Variants in PRPF8 observed in about 807,000 individuals in gnomAD.
PRPF8 encodes the protein pre-mRNA-processing-splicing factor 8.
PRPF8 carries 64 observed loss-of-function variants against 285.9 expected under a neutral mutation model. That is an observed-to-expected ratio of 0.22 (90% CI 0.18 to 0.28). The LOEUF (loss-of-function observed/expected upper bound fraction) is 0.28, where lower values mean the gene tolerates loss of function less well. Among genes scored for constraint, PRPF8 ranks in the 10% least tolerant of loss-of-function variants. The probability of loss-of-function intolerance (pLI) is 1.00; values close to 1 mark genes in which losing one functional copy is unlikely to be tolerated. For missense variants in PRPF8, 1,426 were observed against 3,026.7 expected, an observed-to-expected ratio of 0.47 and a Z score of 12.41; for synonymous variants, 1,325 against 1,118.2, an observed-to-expected ratio of 1.18 and a Z score of -3.69.
intron 24 of PRPF8, among the ~76,000 whole-genome samples, chr17:1,668,786 G>C (rs1255622453): frequency 6.6e-6 from 1 of 152,064 alleles, no homozygotes; most frequent in Non-Finnish European, 1.5e-5. Flanking sequence ...TCACTGAGTA[G>C]CTGGGTGATT....
At chr17:1,680,664 T>C in intron 8 of PRPF8, 62 bp downstream of exon 8, 6 of 1,474,596 alleles carry the variant, frequency 4.1e-6, no homozygotes, top group South Asian at 1.1e-5. Flanking sequence ...TTTAGTAACA[T>C]CAGCCAACCT....
At chr17:1,657,186 C>T (rs1444020603) in intron 34 of PRPF8, among the ~76,000 whole-genome samples, 1 of 152,128 alleles carries the variant, frequency 6.6e-6, no homozygotes, top group Non-Finnish European at 1.5e-5. Context: ...TACTAAGATC[C>T]TGGACTGAAT....
Position 1,683,636 on chromosome 17 carries a change from C to T in PRPF8, c.166G>A (p.Ala56Thr), listed in dbSNP as rs758508260. 6.2e-6 allele frequency: 10 copies of T among 1,614,026 alleles called. No individual in the cohort carries two copies. The highest frequency in any genetic ancestry group is 2.2e-5 in the East Asian group (1 of 44,898). Residue 56 changes from alanine (A) to threonine (T), a missense_variant, in exon 3 of 43, where the codon GCC (alanine) becomes ACC (threonine). Coordinates refer to ENST00000304992, the MANE Select transcript of PRPF8 (RefSeq NM_006445.4). ...AEKRKFGFVD[A>T]QKEDMPPEHV... ...TCTGGGGGCATGTCTTCCTTCTGGG[C>T]ATCCACAAACCCAAACTTCCGCTTT...
At position 1,655,330 on chromosome 17, in the gene PRPF8, T is replaced by C. The variant is rs1285697991; in HGVS notation, c.5987+20A>G. 6.2e-7 allele frequency: 1 copy of C among 1,612,452 alleles called. No individual in the cohort carries two copies. The highest frequency in any genetic ancestry group is 1.1e-5 in the South Asian group (1 of 90,990). On this transcript the variant is annotated intron_variant, in intron 37 of 42. Transcript: ENST00000304992. ...ACCGTATATAGACCTCCTGTCTGTG[T>C]CCCCACCAGCACTGCTCACTTGTTT...
rs895571558 is a variant in PRPF8 at position 1,650,640 on chromosome 17, C to G, written c.*162G>C. 5 of 805,212 alleles carry G rather than the reference C, an allele frequency of 6.2e-6. No individual in the cohort carries two copies. The African/African-American group carries it at 7.0e-5, about 11-fold the overall frequency. 49.9% of individuals were successfully genotyped at this position (805,212 alleles called of 1,614,324 possible). On this transcript the variant is annotated 3_prime_UTR_variant, in exon 43 of 43. Transcript: ENST00000304992. ...ACCAGCCCCTGAACTCCTATTTATA[C>G]AAAATTTATTATTATATTTTATTCA...
chr17:1,663,495 T>A (rs1180059322), intron 24 of PRPF8, among the ~76,000 whole-genome samples: 2 of 148,736 alleles, frequency 1.3e-5, no homozygotes, highest in Non-Finnish European at 1.5e-5. Flanking sequence ...GGCCTCGGGG[T>A]CAGGAGTTCG....
At position 1,673,003 on chromosome 17, in the gene PRPF8, G is replaced by A; in HGVS notation, c.3774+78C>T. On this transcript the variant is annotated intron_variant, in intron 24 of 42. Coordinates refer to ENST00000304992, the MANE Select transcript of PRPF8 (RefSeq NM_006445.4). The surrounding 1 kb of genome is among the most constrained non-coding windows in gnomAD (Gnocchi z 5.5). ...AAGAAGAGAAGGAAGCAGCCAGCAG[G>A]GGACGAAGTGAAAGGGGTGTGAAAT... 1 of 1,324,112 alleles carries A rather than the reference G, an allele frequency of 7.6e-7. No homozygotes were observed. Among genetic ancestry groups the A allele is most frequent in the Non-Finnish European group, 1.1e-6 (1 of 915,852 alleles). The allele number at this position is 1,324,112 out of a possible 1,614,324, so 82.0% of individuals were successfully genotyped here. A position where few individuals can be genotyped will look rare whatever the true frequency, so the allele number is the denominator to read the frequency against.
Position 1,673,140 on chromosome 17 carries a change from G to A in PRPF8, c.3715C>T (p.Arg1239Cys). ...ATCTGACGCACGCGGTTGTGGAAGC[G>A]CTGCATTGACTCATCGTCCACACGC... ...FLRVDDESMQ[R>C]FHNRVRQILM... Residue 1239 changes from arginine (R) to cysteine (C), a missense_variant, in exon 24 of 43, where the codon CGC becomes TGC. By Grantham distance (180) the Arg-to-Cys change is radical (BLOSUM62 -3). This residue lies in a region of PRPF8 where 18 missense variants were observed against 20.6 expected (regional missense o/e 0.87). Coordinates refer to ENST00000304992, the MANE Select transcript of PRPF8 (RefSeq NM_006445.4). The surrounding 1 kb of genome is among the most constrained non-coding windows in gnomAD (Gnocchi z 5.5). 6.2e-7 allele frequency: 1 copy of A among 1,614,212 alleles called. No individual in the cohort carries two copies. The highest frequency in any genetic ancestry group is 8.5e-7 in the Non-Finnish European group (1 of 1,180,032).
Position 1,651,472 on chromosome 17 carries a change from T to C in PRPF8, c.6592A>G (p.Lys2198Glu), listed in dbSNP as rs761317928. 1.2e-6 allele frequency: 2 copies of C among 1,614,180 alleles called. No homozygotes were observed. The highest frequency in any genetic ancestry group is 1.7e-6 in the Non-Finnish European group (2 of 1,180,014). ...LSPQDVTTHAKIMADNPSWDG... is the reference protein window; with the variant it reads ...LSPQDVTTHAEIMADNPSWDG... ...CAAGATGGGTTGTCAGCCATGATCTTGGCATGGGTGGTGACATCCTGGGGT... is the reference window on the plus strand; with the variant it reads ...CAAGATGGGTTGTCAGCCATGATCTCGGCATGGGTGGTGACATCCTGGGGT... The change falls in exon 41 of 43, where the codon AAG becomes GAG. Residue 2198 changes from lysine (K) to glutamate (E), a missense_variant. Physicochemically the swap from Lys to Glu is moderately conservative, Grantham distance 56. This residue lies in a region of PRPF8 where 160 missense variants were observed against 373.7 expected (regional missense o/e 0.43). Coordinates refer to ENST00000304992, the MANE Select transcript of PRPF8 (RefSeq NM_006445.4). The surrounding 1 kb of genome is among the most constrained non-coding windows in gnomAD (Gnocchi z 5.1).
chr17:1,667,133 A>G (rs1912032821), intron 24 of PRPF8, among the ~76,000 whole-genome samples: 1 of 151,986 alleles, frequency 6.6e-6, no homozygotes, highest in Admixed American at 6.6e-5. Flanking sequence ...AAATTGTGCC[A>G]CTGCACTCCA....
chr17:1,670,444 C>G (rs1912243765), intron 24 of PRPF8, among the ~76,000 whole-genome samples: 1 of 152,152 alleles, frequency 6.6e-6, no homozygotes, highest in Non-Finnish European at 1.5e-5. Flanking sequence ...CAAATCTGTT[C>G]CCCTCTTCCT....
In PRPF8 at chr17:1,679,238, C is replaced by A; in HGVS notation, c.1410-32G>T. 6.2e-7 allele frequency: 1 copy of A among 1,614,168 alleles called. No homozygotes were observed. Reference sequence around the variant, plus strand: ...TGGGAACATGGAGAGTAAGAGTCAGCCTACTGATATCTCTGGAACAGAAGT... The same window carrying A: ...TGGGAACATGGAGAGTAAGAGTCAGACTACTGATATCTCTGGAACAGAAGT... On this transcript the variant is annotated intron_variant, in intron 10 of 42. Coordinates refer to ENST00000304992, the MANE Select transcript of PRPF8 (RefSeq NM_006445.4). This position sits in a 1 kb window ranked among gnomAD's most constrained non-coding sequence, Gnocchi z 4.7.
At position 1,676,164 on chromosome 17, in the gene PRPF8, G is replaced by A; in HGVS notation, c.2552+43C>T. The A allele has an allele frequency of 3.7e-6, 6 of 1,612,418 alleles. No individual in the cohort carries two copies. Among genetic ancestry groups the A allele is most frequent in the Non-Finnish European group, 5.1e-6 (6 of 1,179,912 alleles). ...GACTCTGAGGATGACGCCATTCCCT[G>A]CTGTCACCTTCCCAGCAGGAACCTA... is the stretch of plus-strand genomic sequence containing the variant. On this transcript the variant is annotated intron_variant, in intron 17 of 42. Transcript: ENST00000304992. This position sits in a 1 kb window ranked among gnomAD's most constrained non-coding sequence, Gnocchi z 6.3.
At chr17:1,664,546 C>A (rs1347623213) in intron 24 of PRPF8, among the ~76,000 whole-genome samples, 1 of 152,114 alleles carries the variant, frequency 6.6e-6, no homozygotes, top group Non-Finnish European at 1.5e-5. Context: ...GTAGCTCATG[C>A]CCGTAATCCC....
rs369123595 is a variant in PRPF8 at position 1,676,667 on chromosome 17, G to A, written c.2226C>T (p.Tyr742=). Residue 742 remains tyrosine (Y), a synonymous_variant, in exon 16 of 43, where the codon TAC becomes TAT. Transcript: ENST00000304992. The surrounding 1 kb of genome is among the most constrained non-coding windows in gnomAD (Gnocchi z 6.3). The stretch of plus-strand genomic sequence containing the variant: ...TCCACCAGTCAGCCTTGGCCTTCAC[G>A]TATCGAAGGATCATATTCTCTATGG... ...PTPIENMILR[Y]VKAKADWWTN... 18 of 1,614,050 alleles carry A rather than the reference G, an allele frequency of 1.1e-5. No homozygotes were observed. The highest frequency in any genetic ancestry group is 4.4e-5 in the South Asian group (4 of 91,080).
At chr17:1,656,280 C>A in intron 36 of PRPF8, 112 bp downstream of exon 36, 1 of 1,340,182 alleles carries the variant, frequency 7.5e-7, no homozygotes, top group South Asian at 1.2e-5. Context: ...AACAGAGTTC[C>A]CACCCAATCT....
chr17:1,684,313 A>G (rs958065417), intron 2 of PRPF8, among the ~76,000 whole-genome samples, 159 bp downstream of exon 2: 1 of 152,218 alleles, frequency 6.6e-6, no homozygotes, highest in African/African-American at 2.4e-5. Flanking sequence ...GCGCTTGCAA[A>G]TAATACGCGC....
chr17:1,675,925 C>T lies in PRPF8; in HGVS notation c.2679+3G>A. ...AAAAGAAAACTTGGGAGGCCTCACT[C>T]ACCTCTTTGAAGGCTCTCTGTGTGA... On this transcript the variant is annotated splice_donor_region_variant and intron_variant, in intron 18 of 42. Coordinates refer to ENST00000304992, the MANE Select transcript of PRPF8 (RefSeq NM_006445.4). This position sits in a 1 kb window ranked among gnomAD's most constrained non-coding sequence, Gnocchi z 6.0. The T allele has an allele frequency of 6.2e-7, 1 of 1,614,116 alleles. No individual in the cohort carries two copies. The highest frequency in any genetic ancestry group is 1.3e-5 in the African/African-American group (1 of 75,024).
chr17:1,674,712 G>A, intron 20 of PRPF8, 32 bp from the exon 21 acceptor site: 2 of 1,593,750 alleles, frequency 1.3e-6, no homozygotes, highest in Non-Finnish European at 1.7e-6. Context: ...TCTTAAGAAT[G>A]TGAGCCATGC....
Sources: gnomAD v4.1 joint callset for allele counts (sites outside exome capture counted in the v4.1 genomes callset) on GRCh38, gnomAD v4.1.1 for gene constraint, gnomAD v4.1.1 regional missense constraint, Gnocchi (gnomAD v3.1) non-coding constraint, MANE v1.5 for transcripts, NCBI Gene and HGNC (gene_info 2026-07-23, HGNC 2026-07-21) for gene names.